Variants in FAT3 observed in about 807,000 individuals in gnomAD.
FAT3 encodes the protein protocadherin Fat 3.
In FAT3, 95 loss-of-function variants were observed where a neutral mutation model predicts 310.2. The observed-to-expected ratio is 0.31, with a 90% confidence interval of 0.26 to 0.36. The LOEUF is 0.36. Ranked by LOEUF, FAT3 falls within the 10% of genes least tolerant of loss-of-function variation. The pLI, the probability that FAT3 is intolerant of heterozygous loss-of-function variation, is 1.00. For synonymous variants in FAT3, 2,314 were observed against 2,192.9 expected (o/e 1.06, Z -1.54); for missense variants, 5,408 against 5,715.6 (o/e 0.95, Z 1.74).
At chr11:92,813,157 AC>A (rs760467061) in intron 13 of FAT3, among the ~76,000 whole-genome samples, 2 of 152,150 alleles carry the variant, frequency 1.3e-5, no homozygotes, top group Non-Finnish European at 2.9e-5. Context: ...TTTATAAATT[AC>A]CCAGTCTCCG....
chr11:92,257,611 C>A (rs1303260409), intron 1 of FAT3, among the ~76,000 whole-genome samples: 1 of 152,092 alleles, frequency 6.6e-6, no homozygotes. Flanking sequence ...TCTCTGGAAC[C>A]TTTGAAAAAT....
At chr11:92,551,460 A>G (rs72974450) in intron 3 of FAT3, among the ~76,000 whole-genome samples, 52 of 81,698 alleles carry the variant, frequency 6.4e-4, no homozygotes, top group Non-Finnish European at 1.1e-3. Context: ...TCATCAATAA[A>G]CTTTTCTTCA....
intron 14 of FAT3, 25 bp from the exon 15 acceptor site, chr11:92,834,845 T>G (rs1248843057): frequency 2.6e-6 from 4 of 1,556,162 alleles, no homozygotes; most frequent in Non-Finnish European, 3.5e-6. Flanking sequence ...TAATGAAATA[T>G]AAAGCTCCCC....
chr11:92,607,156 A>G lies in FAT3; in HGVS notation c.3607+82208A>G, dbSNP rs188622260. Among the ~76,000 whole-genome samples, 160 of 152,318 alleles carry G rather than the reference A, an allele frequency of 1.1e-3. 1 individual carries two copies. Among genetic ancestry groups the G allele is most frequent in the Non-Finnish European group, 1.7e-3 (115 of 68,032 alleles). ...GGAAAACCAACTCATATTTTGGTAGATTTAAGTCTTCTATGATGGTTTGAA... is the reference window on the plus strand; with the variant it reads ...GGAAAACCAACTCATATTTTGGTAGGTTTAAGTCTTCTATGATGGTTTGAA... On this transcript the variant is annotated intron_variant, in intron 3 of 27. Transcript: ENST00000525166.
At chr11:92,697,838 C>T (rs1045559881) in intron 4 of FAT3, among the ~76,000 whole-genome samples, 37 of 152,032 alleles carry the variant, frequency 2.4e-4, no homozygotes, top group African/African-American at 8.0e-4. Flanking sequence ...CTTTTCTTTT[C>T]GTGGGGAGAG....
intron 5 of FAT3, 63 bp downstream of exon 5, chr11:92,762,233 G>A (rs1565573910): frequency 8.2e-6 from 12 of 1,465,234 alleles, no homozygotes; most frequent in Admixed American, 2.1e-5. Flanking sequence ...TCTTATTCAA[G>A]TATACTCCTT....
chr11:92,826,237 A>G (rs1016990924), intron 13 of FAT3, among the ~76,000 whole-genome samples: 5 of 152,250 alleles, frequency 3.3e-5, no homozygotes, highest in African/African-American at 1.2e-4. Flanking sequence ...ATGCAGTGAC[A>G]TAGTCAAGAA....
At chr11:92,529,312 A>G (rs1402227799) in intron 3 of FAT3, among the ~76,000 whole-genome samples, 1 of 152,206 alleles carries the variant, frequency 6.6e-6, no homozygotes, top group Non-Finnish European at 1.5e-5. Flanking sequence ...GGGGGCCTGA[A>G]GAATGGGCTG....
chr11:92,841,749 C>T (rs949088381), intron 18 of FAT3, among the ~76,000 whole-genome samples: 2 of 152,186 alleles, frequency 1.3e-5, no homozygotes, highest in Non-Finnish European at 2.9e-5. Context: ...CTCCCTCCCC[C>T]AGTCCCTTGT....
intron 21 of FAT3, among the ~76,000 whole-genome samples, chr11:92,866,365 G>A (rs763355148): frequency 6.6e-6 from 1 of 152,118 alleles, no homozygotes; most frequent in Non-Finnish European, 1.5e-5. Context: ...ATGAGTTCCC[G>A]GAATTCATTC....
At chr11:92,705,904 A>ATGGTGGTGGTGT (rs1944325440) in intron 4 of FAT3, among the ~76,000 whole-genome samples, 1 of 31,248 alleles carries the variant, frequency 3.2e-5, no homozygotes, top group South Asian at 8.6e-4. Flanking sequence ...GGTGGTGGTG[A>ATGGTGGTGGTGT]TGGTGGTGGT....
chr11:92,690,228 A>G (rs950783455), intron 3 of FAT3, among the ~76,000 whole-genome samples: 1 of 152,244 alleles, frequency 6.6e-6, no homozygotes, highest in Non-Finnish European at 1.5e-5. Flanking sequence ...AATGAAATGT[A>G]TCTGTTACAG....
At chr11:92,571,603 A>G (rs1955665091) in intron 3 of FAT3, among the ~76,000 whole-genome samples, 1 of 152,212 alleles carries the variant, frequency 6.6e-6, no homozygotes, top group Non-Finnish European at 1.5e-5. Flanking sequence ...TCTTTGGCCT[A>G]AAATTTGGGT....
In FAT3 at chr11:92,493,190, C is replaced by T. The variant is rs1442012653; in HGVS notation, c.3293-31444C>T. ...TCTCCAGAAATGAATATTTTTTCCC[C>T]AATCCTAGCTTGAATTCTCAGAATT... On this transcript the variant is annotated intron_variant, in intron 2 of 27. Transcript: ENST00000525166. Among the ~76,000 whole-genome samples the T allele has an allele frequency of 3.9e-5, 6 of 152,022 alleles. No homozygotes were observed. In the East Asian group the frequency reaches 1.2e-3, roughly 29 times the overall value.
intron 19 of FAT3, among the ~76,000 whole-genome samples, chr11:92,848,002 CT>C (rs1948731603): frequency 6.6e-6 from 1 of 152,074 alleles, no homozygotes; most frequent in Non-Finnish European, 1.5e-5. Flanking sequence ...CTTCTGTTTA[CT>C]CTAGGAGGTC....
chr11:92,597,551 G>A (rs1407957388), intron 3 of FAT3, among the ~76,000 whole-genome samples: 1 of 152,196 alleles, frequency 6.6e-6, no homozygotes, highest in African/African-American at 2.4e-5. Context: ...TTGGCTGCTT[G>A]TGTGGAGAGC....
chr11:92,881,587 A>G (rs1949671640), intron 23 of FAT3, among the ~76,000 whole-genome samples: 1 of 152,214 alleles, frequency 6.6e-6, no homozygotes, highest in Non-Finnish European at 1.5e-5. Context: ...TGTGATTCTG[A>G]CTAATTTCCG....
rs901701862 is a variant in FAT3 at position 92,883,360 on chromosome 11, A to C, written c.12904A>C (p.Ile4302Leu). The C allele has an allele frequency of 1.2e-6, 2 of 1,606,184 alleles. No individual in the cohort carries two copies. Among genetic ancestry groups the C allele is most frequent in the Non-Finnish European group, 1.7e-6 (2 of 1,175,518 alleles). ...VSPCRSDCDSIRKNGWDAGTE... is the reference protein window; with the variant it reads ...VSPCRSDCDSLRKNGWDAGTE... ...ACCCTGCCGCTCCGACTGCGACTCCATCCGGAAGAATGGCTGGGACGCGGG... is the reference window on the plus strand; with the variant it reads ...ACCCTGCCGCTCCGACTGCGACTCCCTCCGGAAGAATGGCTGGGACGCGGG... The change falls in exon 24 of 28, where the codon ATC becomes CTC. Residue 4302 changes from isoleucine to leucine, a missense_variant. Transcript: ENST00000525166. The surrounding 1 kb of genome is among the most constrained non-coding windows in gnomAD (Gnocchi z 4.2).
At chr11:92,778,903 G>A (rs1946666377) in intron 7 of FAT3, among the ~76,000 whole-genome samples, 1 of 152,074 alleles carries the variant, frequency 6.6e-6, no homozygotes, top group Non-Finnish European at 1.5e-5. Flanking sequence ...GCAAACAGGA[G>A]ATTCACTCTC....
Sources: allele counts gnomAD v4.1 joint callset (sites outside exome capture counted in the v4.1 genomes callset), GRCh38; gene constraint gnomAD v4.1.1; non-coding constraint Gnocchi (gnomAD v3.1); transcripts MANE v1.5; gene names NCBI Gene and HGNC (gene_info 2026-07-23, HGNC 2026-07-21).